LRWD1: variants seen among roughly 807,000 people sequenced by gnomAD.
LRWD1 encodes the protein leucine-rich repeat and WD repeat-containing protein 1.
A neutral mutation model predicts 75.6 loss-of-function variants in LRWD1; 76 were observed. That is an observed-to-expected ratio of 1.01 (90% CI 0.84 to 1.22). The LOEUF (loss-of-function observed/expected upper bound fraction) is 1.22, where lower values mean the gene tolerates loss of function less well. LRWD1 is among the 50% of genes most tolerant of loss of function. The pLI is 0.00. For missense variants in LRWD1, 917 were observed against 862.0 expected (o/e 1.06, Z -0.80); for synonymous variants, 487 against 377.0 (o/e 1.29, Z -3.38).
chr7:102,467,161 GTGTGTGTGGGGTGTGTGTGTGTGTGT>G (rs1563654128), intron 3 of LRWD1, among the ~76,000 whole-genome samples, 152 bp from the exon 4 acceptor site: 22 of 16,512 alleles, frequency 1.3e-3, no homozygotes, highest in Admixed American at 5.9e-3. Flanking sequence ...TGTTGCTGGG[GTGTGTGTGGGGTGTGTGTGTGTGTGT>G]GTGTGTGTGT....
At position 102,465,797 on chromosome 7, in the gene LRWD1, C is replaced by A; in HGVS notation, c.81-20C>A. The stretch of plus-strand genomic sequence containing the variant: ...GTGCAAAGCCTGCCCGCCCCCTAAG[C>A]CTTCTGCCCCCAACTCCAGCCTGTC... On this transcript the variant is annotated intron_variant, in intron 1 of 14. Coordinates refer to ENST00000292616, the MANE Select transcript of LRWD1 (RefSeq NM_152892.3). The A allele has an allele frequency of 6.2e-7, 1 of 1,600,300 alleles. No homozygotes were observed. The highest frequency in any genetic ancestry group is 8.6e-7 in the Non-Finnish European group (1 of 1,168,604).
At position 102,473,148 on chromosome 7, in the gene LRWD1, A is replaced by G; in HGVS notation, c.*99A>G. 6 of 1,339,492 alleles carry G rather than the reference A, an allele frequency of 4.5e-6. No homozygotes were observed. Among genetic ancestry groups the G allele is most frequent in the South Asian group, 4.1e-5 (3 of 72,612 alleles). The allele number at this position is 1,339,492 out of a possible 1,614,324, so 83.0% of individuals were successfully genotyped here. On this transcript the variant is annotated 3_prime_UTR_variant, in exon 15 of 15. Transcript: ENST00000292616. ...GGGTCTTTCAGTGAATATTTTTATT[A>G]AACTCTACTGTGGACAAGAAGCCTG...
At position 102,465,801 on chromosome 7, in the gene LRWD1, C is replaced by G. The variant is rs1797956469; in HGVS notation, c.81-16C>G. 1 of 1,606,728 alleles carries G rather than the reference C, an allele frequency of 6.2e-7. No individual in the cohort carries two copies. Among genetic ancestry groups the G allele is most frequent in the Non-Finnish European group, 8.5e-7 (1 of 1,174,472 alleles). ...AAAGCCTGCCCGCCCCCTAAGCCTT[C>G]TGCCCCCAACTCCAGCCTGTCAGGA... On this transcript the variant is annotated splice_polypyrimidine_tract_variant and intron_variant, in intron 1 of 14. Coordinates refer to ENST00000292616, the MANE Select transcript of LRWD1 (RefSeq NM_152892.3).
Position 102,468,355 on chromosome 7 carries a change from C to T in LRWD1, c.897C>T (p.Ala299=), listed in dbSNP as rs1380438610. The change falls in exon 7 of 15, where the codon GCC becomes GCT. Residue 299 remains alanine (A), a synonymous_variant. Transcript: ENST00000292616. ...TCGAGACCCAGCTGTGGGCCTGTGC[C>T]TTCGAGCCGGCCTGGGAGGAGGGTA... ...QDLETQLWAC[A]FEPAWEEGAT... 1 of 1,610,210 alleles carries T rather than the reference C, an allele frequency of 6.2e-7. No individual in the cohort carries two copies. The highest frequency in any genetic ancestry group is 2.2e-5 in the East Asian group (1 of 44,716).
intron 3 of LRWD1, among the ~76,000 whole-genome samples, 182 bp from the exon 4 acceptor site, chr7:102,467,141 GCACCTGGGTTGTTGCT>G (rs1798016799): frequency 8.6e-6 from 1 of 116,196 alleles, no homozygotes; most frequent in Admixed American, 8.9e-5. Context: ...GTGTGTGTAG[GCACCTGGGTTGTTGCT>G]GGGGTGTGTG....
intron 3 of LRWD1, 133 bp from the exon 4 acceptor site, chr7:102,467,206 G>GTGTT: frequency 1.3e-6 from 1 of 745,632 alleles, no homozygotes. Flanking sequence ...GTGTGTGTGT[G>GTGTT]TGTGTGTGTT....
intron 8 of LRWD1, 91 bp downstream of exon 8, chr7:102,468,745 C>T (rs1260083902): frequency 7.9e-6 from 12 of 1,522,076 alleles, no homozygotes; most frequent in Non-Finnish European, 1.1e-5. Flanking sequence ...GGCCCCCTGC[C>T]CCATGGCCTT....
chr7:102,468,750 G>A lies in LRWD1; in HGVS notation c.1020+96G>A, dbSNP rs1798094828. On this transcript the variant is annotated intron_variant, in intron 8 of 14. Transcript: ENST00000292616. ...ATGCAGGCTCGGCCCCCTGCCCCAT[G>A]GCCTTTTTCTTTCATGCTGGGGCTC... 14 of 1,523,938 alleles carry A rather than the reference G, an allele frequency of 9.2e-6. No individual in the cohort carries two copies. In the South Asian group the frequency reaches 1.7e-4, roughly 18 times the overall value. 94.4% of individuals were successfully genotyped at this position (1,523,938 alleles called of 1,614,324 possible).
chr7:102,467,693 C>T (rs1434844670), intron 4 of LRWD1, 26 bp from the exon 5 acceptor site: 1 of 1,548,684 alleles, frequency 6.5e-7, no homozygotes, highest in Admixed American at 2.0e-5. Flanking sequence ...CTCTGCCCAG[C>T]TTCCTGATGG....
In LRWD1 at chr7:102,467,115, T is replaced by TGG. The variant is rs1391801859; in HGVS notation, c.433-221_433-220dup. ...TGTGTGTAGGCACCTGGGTTGTTGCTGGGGTGTGTGTGTGTGTGTGTGTAG... is the reference window on the plus strand; with the variant it reads ...TGTGTGTAGGCACCTGGGTTGTTGCTGGGGGGTGTGTGTGTGTGTGTGTGTAG... On this transcript the variant is annotated intron_variant, in intron 3 of 14. Coordinates refer to ENST00000292616, the MANE Select transcript of LRWD1 (RefSeq NM_152892.3). Among the ~76,000 whole-genome samples the TGG allele has an allele frequency of 4.2e-4, 26 of 62,146 alleles. 1 individual carries two copies. Among genetic ancestry groups the TGG allele is most frequent in the South Asian group, 3.6e-3 (7 of 1,958 alleles). 40.8% of individuals were successfully genotyped at this position (62,146 alleles called of 152,430 possible).
Position 102,465,869 on chromosome 7 carries a change from C to T in LRWD1, c.133C>T (p.Arg45Cys), listed in dbSNP as rs1393586988. The change falls in exon 2 of 15, where the codon CGC becomes TGC. Residue 45 changes from arginine to cysteine, a missense_variant. Physicochemically the swap from Arg to Cys is radical, Grantham distance 180. Transcript: ENST00000292616. ...GCACCTGGACCCCAAACTCCTGTGCCGCCTGACGCAGCTGCAGGAGCTTGA... is the reference window on the plus strand; with the variant it reads ...GCACCTGGACCCCAAACTCCTGTGCTGCCTGACGCAGCTGCAGGAGCTTGA... ...SEHLDPKLLCRLTQLQELDLS... is the reference protein window; with the variant it reads ...SEHLDPKLLCCLTQLQELDLS... 1.9e-6 allele frequency: 3 copies of T among 1,613,344 alleles called. No individual in the cohort carries two copies. The highest frequency in any genetic ancestry group is 2.5e-6 in the Non-Finnish European group (3 of 1,180,014).
At chr7:102,470,746 G>C (rs565322832) in intron 11 of LRWD1, 2 of 152,170 alleles carry the variant, frequency 1.3e-5, no homozygotes, top group South Asian at 4.1e-4. Context: ...CGTCAGCCAC[G>C]GTAAGCTTTG....
At position 102,467,730 on chromosome 7, in the gene LRWD1, C is replaced by T; in HGVS notation, c.585C>T (p.Ile195=). ...SEFTQWRVRM[I]SEELVAASRT... is the part of the protein sequence containing the mutation. ...CTGGCCCCACCCAGGTGCGGATGATCTCTGAGGAGCTGGTGGCCGCCAGTA... is the reference window on the plus strand; with the variant it reads ...CTGGCCCCACCCAGGTGCGGATGATTTCTGAGGAGCTGGTGGCCGCCAGTA... Residue 195 remains isoleucine, a synonymous_variant, in exon 5 of 15, where the codon ATC becomes ATT. Coordinates refer to ENST00000292616, the MANE Select transcript of LRWD1 (RefSeq NM_152892.3). 6.4e-7 allele frequency: 1 copy of T among 1,551,660 alleles called. No homozygotes were observed. The highest frequency in any genetic ancestry group is 8.7e-7 in the Non-Finnish European group (1 of 1,147,064).
At chr7:102,465,793 T>TA (rs1797955624) in intron 1 of LRWD1, 24 bp from the exon 2 acceptor site, 1 of 1,593,654 alleles carries the variant, frequency 6.3e-7, no homozygotes, top group Non-Finnish European at 8.6e-7. Context: ...GCCCGCCCCC[T>TA]AAGCCTTCTG....
chr7:102,467,164 T>G (rs1586738396), intron 3 of LRWD1, among the ~76,000 whole-genome samples, 175 bp from the exon 4 acceptor site: 1 of 60,172 alleles, frequency 1.7e-5, no homozygotes, highest in South Asian at 4.9e-4. Context: ...TGCTGGGGTG[T>G]GTGTGGGGTG....
chr7:102,472,621 C>T lies in LRWD1; in HGVS notation c.1690+12C>T, dbSNP rs988333030. On this transcript the variant is annotated intron_variant, in intron 13 of 14. Transcript: ENST00000292616. ...CAGCGCCTGCCCTGGTGAGCCTGCC[C>T]CCCTGCCCGCCCCATCCCGCGGGCT... The T allele has an allele frequency of 1.2e-6, 2 of 1,609,494 alleles. No individual in the cohort carries two copies. The highest frequency in any genetic ancestry group is 1.7e-6 in the Non-Finnish European group (2 of 1,177,358).
chr7:102,472,055 A>G, intron 11 of LRWD1, 163 bp from the exon 12 acceptor site: 1 of 678,310 alleles, frequency 1.5e-6, no homozygotes. Flanking sequence ...TTCCAGGGCA[A>G]ACTGAACCTT....
At position 102,472,551 on chromosome 7, in the gene LRWD1, G is replaced by C; in HGVS notation, c.1632G>C (p.Leu544=). The C allele has an allele frequency of 6.3e-7, 1 of 1,594,664 alleles. No homozygotes were observed. Residue 544 remains leucine (L), a synonymous_variant, in exon 13 of 15, where the codon CTG becomes CTC. Transcript: ENST00000292616. ...GSQSTVAVVV[L]ARLQWSSTEL... ...AGTCCACGGTGGCAGTGGTGGTCCT[G>C]GCGCGGCTGCAATGGTCGTCCACCG...
At chr7:102,471,916 C>T (rs898772125) in intron 11 of LRWD1, 20 of 354,672 alleles carry the variant, frequency 5.6e-5, no homozygotes, top group African/African-American at 2.1e-4. Flanking sequence ...ATCTCACACT[C>T]GGTCCCAGAG....
Sources: gnomAD v4.1 joint callset for allele counts (sites outside exome capture counted in the v4.1 genomes callset) on GRCh38, gnomAD v4.1.1 for gene constraint, MANE v1.5 for transcripts, NCBI Gene and HGNC (gene_info 2026-07-23, HGNC 2026-07-21) for gene names.